Variants in HPSE2 observed in about 807,000 individuals in gnomAD.
HPSE2 encodes the protein inactive heparanase-2.
HPSE2 carries 38 observed loss-of-function variants against 60.5 expected under a neutral mutation model. That is an observed-to-expected ratio of 0.63 (90% CI 0.48 to 0.82). The LOEUF is 0.82. HPSE2 is among the 40% of genes least tolerant of loss of function. HPSE2 has a pLI of 0.00. For synonymous variants in HPSE2, 295 were observed against 293.2 expected (o/e 1.01, Z -0.06); for missense variants, 713 against 740.4 (o/e 0.96, Z 0.43).
chr10:99,312,824 A>C, the HPSE2 span, among the ~76,000 whole-genome samples: 1 of 152,342 alleles, frequency 6.6e-6, no homozygotes, highest in East Asian at 1.9e-4. Context: ...CAAAAGATTC[A>C]TTATTATAGA....
At chr10:99,248,368 G>C in the HPSE2 span, among the ~76,000 whole-genome samples, 1 of 152,212 alleles carries the variant, frequency 6.6e-6, no homozygotes, top group Admixed American at 6.5e-5. Context: ...TGGAGGCATT[G>C]GGCAACTGCC....
intron 3 of HPSE2, among the ~76,000 whole-genome samples, chr10:98,874,012 T>C (rs753798833): frequency 1.3e-5 from 2 of 152,022 alleles, no homozygotes; most frequent in Non-Finnish European, 2.9e-5. Context: ...AAATGTCTTC[T>C]TTTGAAAAGT....
chr10:98,473,571 A>C (rs1940877342), intron 11 of HPSE2, among the ~76,000 whole-genome samples: 1 of 151,450 alleles, frequency 6.6e-6, no homozygotes, highest in Non-Finnish European at 1.5e-5. Context: ...TTGAAAGGTT[A>C]ATCCTGTGAG....
chr10:98,918,792 C>T (rs1954198290), intron 3 of HPSE2, among the ~76,000 whole-genome samples: 3 of 150,524 alleles, frequency 2.0e-5, no homozygotes, highest in Admixed American at 2.0e-4. Context: ...AACTAACCTG[C>T]ACATTGTGCA....
At chr10:99,296,097 T>C in the HPSE2 span, among the ~76,000 whole-genome samples, 1 of 152,204 alleles carries the variant, frequency 6.6e-6, no homozygotes, top group African/African-American at 2.4e-5. Context: ...AATAGCTATT[T>C]TGAAGTTTAC....
At chr10:98,868,387 G>A (rs1431504927) in intron 3 of HPSE2, among the ~76,000 whole-genome samples, 2 of 151,936 alleles carry the variant, frequency 1.3e-5, no homozygotes, top group African/African-American at 4.8e-5. Context: ...AGGTGGGGAT[G>A]GTTAATGGGT....
chr10:98,914,432 T>C (rs1340738910), intron 3 of HPSE2, among the ~76,000 whole-genome samples: 1 of 151,846 alleles, frequency 6.6e-6, no homozygotes, highest in African/African-American at 2.4e-5. Context: ...AAAAACACTA[T>C]GAATTTCTCA....
At chr10:98,497,237 C>G (rs1407564655) in intron 9 of HPSE2, among the ~76,000 whole-genome samples, 1 of 152,018 alleles carries the variant, frequency 6.6e-6, no homozygotes, top group East Asian at 1.9e-4. Context: ...TGATGTGTAA[C>G]AAAACCACTT....
intron 9 of HPSE2, among the ~76,000 whole-genome samples, chr10:98,545,124 T>C (rs575328304): frequency 6.6e-6 from 1 of 152,288 alleles, no homozygotes; most frequent in South Asian, 2.1e-4. Context: ...AATCTCTGAA[T>C]AGACCAATAA....
chr10:98,812,743 A>G (rs1272975502), intron 3 of HPSE2, among the ~76,000 whole-genome samples: 1 of 152,180 alleles, frequency 6.6e-6, no homozygotes, highest in Non-Finnish European at 1.5e-5. Flanking sequence ...GCACTTTCAT[A>G]TGAATATTTG....
intron 2 of HPSE2, among the ~76,000 whole-genome samples, chr10:99,155,963 T>C (rs1361380329): frequency 6.6e-6 from 1 of 151,648 alleles, no homozygotes; most frequent in South Asian, 2.1e-4. Context: ...CAGAGAATAC[T>C]ATAAACACCT....
Position 99,163,986 on chromosome 10 carries a change from T to A in HPSE2, c.449-19587A>T, listed in dbSNP as rs141761029. Among the ~76,000 whole-genome samples the A allele has an allele frequency of 1.6e-4, 25 of 151,934 alleles. No homozygotes were observed. In the East Asian group the frequency reaches 4.6e-3, roughly 28 times the overall value. On this transcript the variant is annotated intron_variant, in intron 2 of 11. Transcript: ENST00000370552. The stretch of plus-strand genomic sequence containing the variant: ...TTCTGGTGGGTTTCTCCATACAACG[T>A]TACTATTTTGCCTTTGTAATTAATG...
At chr10:99,224,512 G>T (rs140436254) in intron 2 of HPSE2, among the ~76,000 whole-genome samples, 1 of 151,588 alleles carries the variant, frequency 6.6e-6, no homozygotes, top group East Asian at 1.9e-4. Flanking sequence ...CATGATTAAG[G>T]AACTAAGAAG....
intron 2 of HPSE2, among the ~76,000 whole-genome samples, chr10:99,215,237 C>T (rs1465525080): frequency 6.6e-6 from 1 of 152,038 alleles, no homozygotes; most frequent in Non-Finnish European, 1.5e-5. Flanking sequence ...TTATTTTCAC[C>T]AATGAAGAAA....
intron 3 of HPSE2, among the ~76,000 whole-genome samples, chr10:98,973,990 T>C (rs1956023768): frequency 6.6e-6 from 1 of 152,038 alleles, no homozygotes; most frequent in Non-Finnish European, 1.5e-5. Context: ...GAGTAAATGA[T>C]CAAATAGAAT....
intron 11 of HPSE2, among the ~76,000 whole-genome samples, chr10:98,468,221 A>C (rs913281498): frequency 2.6e-5 from 4 of 152,104 alleles, no homozygotes; most frequent in Non-Finnish European, 5.9e-5. Context: ...GGGCAGCTTG[A>C]ACAGGAAGTT....
the HPSE2 span, among the ~76,000 whole-genome samples, chr10:99,273,837 T>C: frequency 6.6e-6 from 1 of 152,156 alleles, no homozygotes; most frequent in Admixed American, 6.6e-5. Flanking sequence ...GTGGGAGGGA[T>C]TGCCCTTTAA....
chr10:99,177,321 G>A (rs1262470266), intron 2 of HPSE2, among the ~76,000 whole-genome samples: 1 of 151,998 alleles, frequency 6.6e-6, no homozygotes, highest in Non-Finnish European at 1.5e-5. Context: ...AAAAGACACA[G>A]ACTGGCAAAC....
chr10:99,028,496 A>G (rs1475570660), intron 3 of HPSE2, among the ~76,000 whole-genome samples: 4 of 152,198 alleles, frequency 2.6e-5, no homozygotes, highest in African/African-American at 9.7e-5. Flanking sequence ...GTCATCAAAG[A>G]ATGGAAAAAT....
Sources: gnomAD v4.1 joint callset for allele counts (sites outside exome capture counted in the v4.1 genomes callset) on GRCh38, gnomAD v4.1.1 for gene constraint, MANE v1.5 for transcripts, NCBI Gene and HGNC (gene_info 2026-07-23, HGNC 2026-07-21) for gene names.